The following VPS54 variants were observed in gnomAD, a reference collection of about 807,000 sequenced individuals.
VPS54 encodes the protein vacuolar protein sorting-associated protein 54.
A neutral mutation model predicts 121.5 loss-of-function variants in VPS54; 45 were observed. The observed-to-expected ratio is 0.37, with a 90% CI of 0.29 to 0.47. The LOEUF (loss-of-function observed/expected upper bound fraction) is 0.47. VPS54 is among the 20% of genes least tolerant of loss of function. The pLI is 0.99. For synonymous variants in VPS54, 371 were observed against 385.8 expected (o/e 0.96, Z 0.45); for missense variants, 1,090 against 1,131.4 (o/e 0.96, Z 0.52).
chr2:63,987,983 C>T (rs13021953), intron 1 of VPS54, among the ~76,000 whole-genome samples: 55,126 of 152,002 alleles, frequency 0.36, 10,580 homozygotes, highest in Non-Finnish European at 0.42. Flanking sequence ...TAATTTGACT[C>T]CTTCCTTTCC....
At chr2:63,895,904 C>G (rs760408682) in intron 22 of VPS54, among the ~76,000 whole-genome samples, 2 of 152,184 alleles carry the variant, frequency 1.3e-5, no homozygotes, top group African/African-American at 2.4e-5. Context: ...TTCAGAACTA[C>G]TGGTCTACAA....
rs535103058 is a variant in VPS54 at position 63,981,439 on chromosome 2, A to G, written c.378+207T>C. Among the ~76,000 whole-genome samples, 16 of 152,282 alleles carry G rather than the reference A, an allele frequency of 1.1e-4. No individual in the cohort carries two copies. In the East Asian group the frequency reaches 3.1e-3, roughly 29 times the overall value. On this transcript the variant is annotated intron_variant, in intron 3 of 22. Transcript: ENST00000272322. ...ATCTTAGCATTATTTGGAATGTGTA[A>G]TTCTGAAAAATCACTACTGTAAGAG...
chr2:64,014,993 T>C (rs995872724), intron 1 of VPS54, among the ~76,000 whole-genome samples: 1 of 152,156 alleles, frequency 6.6e-6, no homozygotes, highest in Non-Finnish European at 1.5e-5. Flanking sequence ...TTGGAATTTT[T>C]CTGGACATTC....
chr2:63,942,650 C>T, intron 10 of VPS54, 89 bp from the exon 11 acceptor site: 1 of 1,085,440 alleles, frequency 9.2e-7, no homozygotes, highest in Non-Finnish European at 1.3e-6. Context: ...AGACTAAATA[C>T]TATCTAGTGA....
intron 12 of VPS54, among the ~76,000 whole-genome samples, chr2:63,925,288 G>A (rs1558995707): frequency 6.6e-6 from 1 of 152,150 alleles, no homozygotes; most frequent in Non-Finnish European, 1.5e-5. Context: ...TGTATGAAAA[G>A]GTGCTCTCCT....
chr2:63,920,668 C>A, intron 13 of VPS54, 41 bp from the exon 14 acceptor site: 1 of 1,242,808 alleles, frequency 8.0e-7, no homozygotes, highest in Non-Finnish European at 1.0e-6. Context: ...AGTGTAACAC[C>A]AAATTGAGTT....
At chr2:63,988,453 G>T (rs1677156522) in intron 1 of VPS54, among the ~76,000 whole-genome samples, 1 of 152,158 alleles carries the variant, frequency 6.6e-6, no homozygotes, top group South Asian at 2.1e-4. Context: ...TGTGTTGCGG[G>T]AAGTCAGGGA....
chr2:63,944,471 G>A (rs1016008146), intron 10 of VPS54, 129 bp downstream of exon 10: 6 of 875,206 alleles, frequency 6.9e-6, no homozygotes, highest in Middle Eastern at 4.4e-4. Flanking sequence ...ACTGTCACTT[G>A]TGATTTTCCT....
At chr2:63,972,047 A>G (rs927359938) in intron 4 of VPS54, 119 bp downstream of exon 4, 3 of 515,580 alleles carry the variant, frequency 5.8e-6, no homozygotes, top group Non-Finnish European at 9.5e-6. Flanking sequence ...CATAGGTTAT[A>G]AAAATTTTAC....
At chr2:63,987,560 AAG>A (rs1380400665) in intron 1 of VPS54, among the ~76,000 whole-genome samples, 1 of 152,008 alleles carries the variant, frequency 6.6e-6, no homozygotes, top group African/African-American at 2.4e-5. Context: ...TATTTCTCTG[AAG>A]AATTTAATTG....
At chr2:63,961,918 CATT>C in intron 7 of VPS54, 137 bp downstream of exon 7, 1 of 915,402 alleles carries the variant, frequency 1.1e-6, no homozygotes, top group Non-Finnish European at 1.5e-6. Context: ...ATCAGAATAA[CATT>C]ATTAAACAAA....
rs1027334503 is a variant in VPS54 at position 64,018,959 on chromosome 2, C to T, written c.-42G>A. The T allele has an allele frequency of 1.3e-5, 2 of 152,034 alleles. No individual in the cohort carries two copies. Among genetic ancestry groups the T allele is most frequent in the Non-Finnish European group, 2.9e-5 (2 of 68,192 alleles). The allele number at this position is 152,034 out of a possible 1,614,324, so 9.4% of individuals were successfully genotyped here. A position where few individuals can be genotyped will look rare whatever the true frequency, so the allele number is the denominator to read the frequency against. ...CTACCTGCGGGTCCCGGGGCAGCCGCCCTGAGCGAGGCCTAGTGCATCGCC... is the reference window on the plus strand; with the variant it reads ...CTACCTGCGGGTCCCGGGGCAGCCGTCCTGAGCGAGGCCTAGTGCATCGCC... On this transcript the variant is annotated 5_prime_UTR_variant, in exon 1 of 23. Transcript: ENST00000272322.
intron 4 of VPS54, among the ~76,000 whole-genome samples, chr2:63,971,888 G>GT (rs1676299874): frequency 6.6e-6 from 1 of 152,118 alleles, no homozygotes; most frequent in Admixed American, 6.6e-5. Flanking sequence ...CTACACACAT[G>GT]TGCCATCATG....
intron 22 of VPS54, among the ~76,000 whole-genome samples, chr2:63,895,343 A>T (rs1333115013): frequency 6.6e-6 from 1 of 152,156 alleles, no homozygotes; most frequent in Non-Finnish European, 1.5e-5. Flanking sequence ...AATCCCAGCT[A>T]CTTGGGAGGC....
chr2:63,976,210 T>G (rs565420140), intron 3 of VPS54, among the ~76,000 whole-genome samples: 1 of 151,710 alleles, frequency 6.6e-6, no homozygotes, highest in East Asian at 1.9e-4. Context: ...GGCGTGGTGT[T>G]GTGGTGGTGC....
At chr2:64,003,691 G>T (rs1304920270) in intron 1 of VPS54, among the ~76,000 whole-genome samples, 1 of 151,552 alleles carries the variant, frequency 6.6e-6, no homozygotes, top group Non-Finnish European at 1.5e-5. Flanking sequence ...GGCTAATAAG[G>T]AAAAGAAAAA....
At chr2:63,973,835 C>G (rs1429653338) in intron 3 of VPS54, among the ~76,000 whole-genome samples, 1 of 152,132 alleles carries the variant, frequency 6.6e-6, no homozygotes, top group Non-Finnish European at 1.5e-5. Context: ...TGTAAGCCAC[C>G]ACACCTGACC....
At chr2:63,935,495 T>A (rs180897868) in intron 11 of VPS54, among the ~76,000 whole-genome samples, 68 of 152,290 alleles carry the variant, frequency 4.5e-4, no homozygotes, top group Non-Finnish European at 6.8e-4. Context: ...TTGTTTTGCG[T>A]CTTTTTCCTT....
Position 63,962,353 on chromosome 2 carries a change from G to A in VPS54, c.715C>T (p.His239Tyr), listed in dbSNP as rs370143291. ...TTCCTGAGGTAGTCCTGCAACTCGT[G>A]TTGAGAGGTCATTGCATGAAAAAAT... ...EAFFHAMTSQHELQDYLRKTS... is the reference protein window; with the variant it reads ...EAFFHAMTSQYELQDYLRKTS... The change falls in exon 7 of 23, where the codon CAC becomes TAC. Residue 239 changes from histidine (H) to tyrosine (Y), a missense_variant. This residue lies in a region of VPS54 where 801 missense variants were observed against 757.0 expected (regional missense o/e 1.06). Transcript: ENST00000272322. 1 of 1,613,854 alleles carries A rather than the reference G, an allele frequency of 6.2e-7. No homozygotes were observed. Among genetic ancestry groups the A allele is most frequent in the African/African-American group, 1.3e-5 (1 of 74,912 alleles).
Sources: allele counts gnomAD v4.1 joint callset (sites outside exome capture counted in the v4.1 genomes callset), GRCh38; gene constraint gnomAD v4.1.1; regional missense constraint gnomAD v4.1.1; transcripts MANE v1.5; gene names NCBI Gene and HGNC (gene_info 2026-07-23, HGNC 2026-07-21).